Variants in FRMD4B observed in about 807,000 individuals in gnomAD.
The protein encoded by FRMD4B is FERM domain containing 4B, also known as FERM domain-containing protein 4B.
In FRMD4B, 74 loss-of-function variants were observed where a neutral mutation model predicts 141.5. That is an observed-to-expected ratio of 0.52 (90% CI 0.43 to 0.63). The LOEUF is 0.63. Among genes scored for constraint, FRMD4B ranks in the 30% least tolerant of loss-of-function variants. The pLI is 0.00. For synonymous variants in FRMD4B, 506 were observed against 467.9 expected (o/e 1.08, Z -1.05); for missense variants, 1,366 against 1,253.4 (o/e 1.09, Z -1.36).
chr3:69,317,154 G>C (rs535830435), intron 1 of FRMD4B, among the ~76,000 whole-genome samples: 5 of 152,198 alleles, frequency 3.3e-5, no homozygotes, highest in Non-Finnish European at 7.4e-5. Flanking sequence ...ATTCCTTTTA[G>C]CAACAGATAA....
intron 1 of FRMD4B, among the ~76,000 whole-genome samples, chr3:69,373,286 T>C (rs1454334551): frequency 6.6e-6 from 1 of 152,150 alleles, no homozygotes; most frequent in East Asian, 1.9e-4. Context: ...GATTAGAGAC[T>C]AGGAGAGTGC....
intron 1 of FRMD4B, among the ~76,000 whole-genome samples, chr3:69,381,574 T>C (rs888929306): frequency 1.3e-4 from 20 of 152,132 alleles, no homozygotes; most frequent in Non-Finnish European, 2.5e-4. Flanking sequence ...AACTCCCTGG[T>C]GTGTGTGTTT....
chr3:69,422,373 C>T (rs1704995605), intron 2 of FRMD4B, among the ~76,000 whole-genome samples: 2 of 134,770 alleles, frequency 1.5e-5, no homozygotes, highest in Non-Finnish European at 3.1e-5. Flanking sequence ...AGCAACAGAG[C>T]GAGACTCTGA....
chr3:69,305,417 A>T (rs1263469238), intron 3 of FRMD4B, among the ~76,000 whole-genome samples: 1 of 152,266 alleles, frequency 6.6e-6, no homozygotes, highest in African/African-American at 2.4e-5. Context: ...GTGTAAAACA[A>T]AATAAGATAG....
At chr3:69,318,484 C>G (rs1575726344) in intron 1 of FRMD4B, among the ~76,000 whole-genome samples, 1 of 152,202 alleles carries the variant, frequency 6.6e-6, no homozygotes, top group East Asian at 1.9e-4. Flanking sequence ...GAACAAACAC[C>G]TGAGGGTTTG....
chr3:69,271,464 C>T (rs943877510), intron 5 of FRMD4B, among the ~76,000 whole-genome samples: 14 of 152,078 alleles, frequency 9.2e-5, no homozygotes, highest in Non-Finnish European at 2.9e-5. Context: ...AAGATCACAG[C>T]ACGATGAAAA....
At chr3:69,465,347 A>T (rs1477762114) in intron 1 of FRMD4B, among the ~76,000 whole-genome samples, 1 of 151,804 alleles carries the variant, frequency 6.6e-6, no homozygotes, top group Non-Finnish European at 1.5e-5. Context: ...CCTTCAGGAA[A>T]TACAGAATTC....
intron 21 of FRMD4B, among the ~76,000 whole-genome samples, chr3:69,180,150 C>A (rs986463541): frequency 1.3e-5 from 2 of 150,626 alleles, no homozygotes; most frequent in Admixed American, 6.7e-5. Context: ...AATCCCAACA[C>A]TTTGGGAGGC....
chr3:69,339,221 G>A (rs1433229909), intron 1 of FRMD4B, among the ~76,000 whole-genome samples: 1 of 151,808 alleles, frequency 6.6e-6, no homozygotes, highest in Non-Finnish European at 1.5e-5. Flanking sequence ...GAAACTTAAT[G>A]TTAAACCCGA....
At chr3:69,200,150 T>C (rs2092951509) in intron 11 of FRMD4B, among the ~76,000 whole-genome samples, 1 of 152,148 alleles carries the variant, frequency 6.6e-6, no homozygotes, top group African/African-American at 2.4e-5. Flanking sequence ...TTCACAGACA[T>C]GTAAACCTCA....
intron 1 of FRMD4B, among the ~76,000 whole-genome samples, chr3:69,498,433 T>C (rs944483637): frequency 1.4e-4 from 22 of 152,282 alleles, no homozygotes; most frequent in South Asian, 1.2e-3. Context: ...TGCACGTGTG[T>C]GTGCATGAGA....
intron 17 of FRMD4B, 130 bp downstream of exon 17, chr3:69,193,518 A>G: frequency 1.6e-6 from 1 of 623,660 alleles, no homozygotes; most frequent in South Asian, 2.1e-5. Context: ...CCAAATAAAA[A>G]AGAAAACTTA....
At chr3:69,302,478 GA>G in intron 3 of FRMD4B, 43 bp from the exon 4 acceptor site, 1 of 1,226,038 alleles carries the variant, frequency 8.2e-7, no homozygotes, top group African/African-American at 1.5e-5. Flanking sequence ...CAGAAAGTCA[GA>G]AAAGTTCAAC....
intron 4 of FRMD4B, among the ~76,000 whole-genome samples, chr3:69,288,153 G>A (rs1700753495): frequency 6.6e-6 from 1 of 152,250 alleles, no homozygotes; most frequent in African/African-American, 2.4e-5. Flanking sequence ...TGTTCTGGGA[G>A]TTCATAATAC....
At chr3:69,470,901 A>G (rs1705877437) in intron 1 of FRMD4B, among the ~76,000 whole-genome samples, 1 of 152,194 alleles carries the variant, frequency 6.6e-6, no homozygotes, top group Non-Finnish European at 1.5e-5. Flanking sequence ...TAGTAGTAAA[A>G]CCATCCCACA....
chr3:69,231,188 G>A (rs1404995879), intron 7 of FRMD4B, among the ~76,000 whole-genome samples: 2 of 152,198 alleles, frequency 1.3e-5, no homozygotes, highest in African/African-American at 4.8e-5. Context: ...GAGGAAAGAG[G>A]GAATTTTATT....
Position 69,181,091 on chromosome 3 carries a change from T to C in FRMD4B, c.2659A>G (p.Thr887Ala), listed in dbSNP as rs1010403497. 6.2e-7 allele frequency: 1 copy of C among 1,613,848 alleles called. No homozygotes were observed. The highest frequency in any genetic ancestry group is 1.3e-5 in the African/African-American group (1 of 74,900). ...ACTAAGGCCTTGTGGATGTTTTTGG[T>C]GATGTGCTCCGATTTTGCAGCAGCC... ...RKAAAKSEHI[T>A]KNIHKALVAE... The change falls in exon 21 of 23, where the codon ACC becomes GCC. Residue 887 changes from threonine to alanine, a missense_variant. By Grantham distance (58) the Thr-to-Ala change is moderately conservative (BLOSUM62 0). Transcript: ENST00000398540.
rs118103405 is a variant in FRMD4B, at chr3:69,447,467, T to C, written c.-128-14706A>G. 1.6e-3 allele frequency among the ~76,000 whole-genome samples: 246 copies of C among 152,330 alleles called. 4 individuals carry two copies. The East Asian group carries it at 0.031, about 19-fold the overall frequency. ...TATAACATATATACACAATAAAATA[T>C]TCCCATTTTAAGTGTGGAGTTAAAC... On this transcript the variant is annotated intron_variant, in intron 1 of 5. Transcript: ENST00000459638.
intron 1 of FRMD4B, among the ~76,000 whole-genome samples, chr3:69,455,318 T>C (rs1247731392): frequency 6.6e-6 from 1 of 152,214 alleles, no homozygotes; most frequent in Non-Finnish European, 1.5e-5. Context: ...GTTCTTTCAC[T>C]CTTTGCAATA....
Sources: gnomAD v4.1 joint callset for allele counts (sites outside exome capture counted in the v4.1 genomes callset) on GRCh38, gnomAD v4.1.1 for gene constraint, MANE v1.5 for transcripts, NCBI Gene and HGNC (gene_info 2026-07-23, HGNC 2026-07-21) for gene names.